Variants in TNS1 observed in about 807,000 individuals in gnomAD.
TNS1 encodes tensin-1.
In TNS1, 62 loss-of-function variants were observed where a neutral mutation model predicts 168.6. The observed-to-expected ratio is 0.37, with a 90% CI of 0.30 to 0.45. The LOEUF (loss-of-function observed/expected upper bound fraction) is 0.45, where lower values mean the gene tolerates loss of function less well. Among genes scored for constraint, TNS1 ranks in the 20% least tolerant of loss-of-function variants. TNS1 has a pLI of 1.00. For missense variants in TNS1, 2,240 were observed against 2,339.4 expected (o/e 0.96, Z 0.88); for synonymous variants, 934 against 933.2 (o/e 1.00, Z -0.02).
chr2:217,881,457 G>A (rs985147341), intron 17 of TNS1: 6 of 161,908 alleles, frequency 3.7e-5, no homozygotes, highest in East Asian at 3.6e-4. Flanking sequence ...TCACAGCCCC[G>A]ACATTGAAAG....
chr2:217,954,498 T>C (rs1216323179), intron 3 of TNS1, among the ~76,000 whole-genome samples: 1 of 152,176 alleles, frequency 6.6e-6, no homozygotes, highest in Non-Finnish European at 1.5e-5. Flanking sequence ...ACTAAGCAGG[T>C]ACTGTGATTA....
chr2:217,868,873 C>G (rs1039008876), intron 18 of TNS1, among the ~76,000 whole-genome samples: 2 of 152,228 alleles, frequency 1.3e-5, no homozygotes, highest in African/African-American at 4.8e-5. Flanking sequence ...CCAGCCTACT[C>G]TAAGACACTG....
chr2:217,842,235 C>T, intron 19 of TNS1: 1 of 617,246 alleles, frequency 1.6e-6, no homozygotes, highest in East Asian at 2.9e-5. Context: ...TCAACAATTC[C>T]CATATCTCTA....
At chr2:217,894,880 A>G in intron 9 of TNS1, 126 bp downstream of exon 9, 1 of 920,144 alleles carries the variant, frequency 1.1e-6, no homozygotes, top group East Asian at 2.7e-5. Flanking sequence ...TCCATTTTCC[A>G]GATATAAGTC....
At chr2:217,885,593 G>T in intron 15 of TNS1, 151 bp downstream of exon 15, 1 of 720,704 alleles carries the variant, frequency 1.4e-6, no homozygotes, top group Non-Finnish European at 2.3e-6. Flanking sequence ...TGTGAGACTG[G>T]AAGGTCTTCC....
At chr2:217,847,038 C>T (rs1946744691) in intron 19 of TNS1, among the ~76,000 whole-genome samples, 1 of 152,190 alleles carries the variant, frequency 6.6e-6, no homozygotes, top group African/African-American at 2.4e-5. Context: ...CACGTCTCCC[C>T]CAAGGAACTA....
intron 18 of TNS1, chr2:217,850,582 GAC>G (rs1207669519): frequency 0.15 from 130,250 of 846,208 alleles, 1,942 homozygotes; most frequent in Non-Finnish European, 0.16. Flanking sequence ...AGCCCCGACA[GAC>G]ACACACACAC....
At position 217,818,102 on chromosome 2, in the gene TNS1, C is replaced by T; in HGVS notation, c.4230G>A (p.Gly1410=). Residue 1410 remains glycine, a synonymous_variant, in exon 24 of 33, where the codon GGG becomes GGA. Coordinates refer to ENST00000682258, the MANE Select transcript of TNS1 (RefSeq NM_001387777.1). ...GGCTGCCGGGAACCACAGATCCAGA[C>T]CCTCCGAGGTGACGGCCCAGGCTGG... is the stretch of plus-strand genomic sequence containing the variant. The part of the protein sequence containing the change: ...GSPSLGRHLG[G]SGSVVPGSPC... 1 of 1,613,794 alleles carries T rather than the reference C, an allele frequency of 6.2e-7. No homozygotes were observed. The highest frequency in any genetic ancestry group is 8.5e-7 in the Non-Finnish European group (1 of 1,179,904).
intron 2 of TNS1, among the ~76,000 whole-genome samples, chr2:217,987,974 G>A (rs1324616056): frequency 2.6e-5 from 4 of 152,186 alleles, no homozygotes; most frequent in African/African-American, 9.6e-5. Flanking sequence ...TCTCCCACCA[G>A]TGAACCCAGT....
At chr2:217,896,596 A>G (rs918080963) in intron 8 of TNS1, among the ~76,000 whole-genome samples, 17 of 152,198 alleles carry the variant, frequency 1.1e-4, no homozygotes, top group African/African-American at 3.9e-4. Flanking sequence ...CAACACCTTG[A>G]TTTCAGATTT....
Position 217,948,573 on chromosome 2 carries a change from G to C in TNS1, c.187-28337C>G, listed in dbSNP as rs991390777. Among the ~76,000 whole-genome samples the C allele has an allele frequency of 1.3e-5, 2 of 152,094 alleles. No homozygotes were observed. Among genetic ancestry groups the C allele is most frequent in the East Asian group, 1.9e-4 (1 of 5,186 alleles). ...CCCCGCTACAGCTAGAGATGAGTTC[G>C]GGCTGTCTCCCAGGGTGCTTCCATC... On this transcript the variant is annotated intron_variant, in intron 3 of 32. Coordinates refer to ENST00000682258, the MANE Select transcript of TNS1 (RefSeq NM_001387777.1). This position sits in a 1 kb window ranked among gnomAD's most constrained non-coding sequence, Gnocchi z 4.1.
intron 18 of TNS1, among the ~76,000 whole-genome samples, chr2:217,863,378 A>G (rs1325335342): frequency 1.3e-5 from 2 of 152,140 alleles, no homozygotes; most frequent in Non-Finnish European, 2.9e-5. Flanking sequence ...AGGAAATACT[A>G]CTGGTGTCTA....
rs199649844 is a variant in TNS1 at position 217,817,933 on chromosome 2, G to C, written c.4399C>G (p.Leu1467Val). 124 of 1,612,790 alleles carry C rather than the reference G, an allele frequency of 7.7e-5. 3 individuals are homozygous for C. The East Asian group carries it at 2.8e-3, about 36-fold the overall frequency. ...GACGGGGAGGTGGCAGGGCTGCTCA[G>C]GCCAGGGTAGTAGGCAGGGGAGACA... ...FPVSPAYYPG[L>V]SSPATSPSPD... Residue 1467 changes from leucine to valine, a missense_variant, in exon 24 of 33, where the codon CTG becomes GTG. Physicochemically the swap from Leu to Val is conservative, Grantham distance 32. Around this residue, in one of 2 missense-constraint regions of TNS1, gnomAD observed 2,131 missense variants for 2,171.2 expected, o/e 0.98. Transcript: ENST00000682258.
chr2:217,822,670 G>A (rs1437126697), intron 22 of TNS1, among the ~76,000 whole-genome samples: 5 of 152,182 alleles, frequency 3.3e-5, no homozygotes, highest in Non-Finnish European at 7.3e-5. Context: ...ACTACCTGGT[G>A]TTCAAAACAG....
intron 18 of TNS1, among the ~76,000 whole-genome samples, chr2:217,852,937 T>A (rs371863507): frequency 5.3e-4 from 81 of 152,256 alleles, no homozygotes; most frequent in African/African-American, 1.9e-3. Context: ...AGGGAGGTTT[T>A]GAGAATACCC....
intron 18 of TNS1, among the ~76,000 whole-genome samples, chr2:217,860,015 G>A (rs1186707014): frequency 6.6e-6 from 1 of 152,216 alleles, no homozygotes; most frequent in Admixed American, 6.5e-5. Flanking sequence ...TCAGCGACTG[G>A]TGTCTCCATG....
At chr2:217,987,120 C>A (rs911793178) in intron 2 of TNS1, 1 of 152,304 alleles carries the variant, frequency 6.6e-6, no homozygotes, top group Non-Finnish European at 1.5e-5. Context: ...TTGTGAGAAG[C>A]AGGGCCAGAA....
At chr2:217,979,477 C>T (rs1957984526) in intron 2 of TNS1, among the ~76,000 whole-genome samples, 1 of 152,076 alleles carries the variant, frequency 6.6e-6, no homozygotes, top group African/African-American at 2.4e-5. Context: ...TGGACACAGA[C>T]ACGTGAACAG....
chr2:217,874,959 G>T (rs1559280722), intron 18 of TNS1, among the ~76,000 whole-genome samples: 1 of 152,180 alleles, frequency 6.6e-6, no homozygotes, highest in Non-Finnish European at 1.5e-5. Flanking sequence ...AGATTGGTCT[G>T]TTCAACCTTA....
Sources: allele counts gnomAD v4.1 joint callset (sites outside exome capture counted in the v4.1 genomes callset), GRCh38; gene constraint gnomAD v4.1.1; regional missense constraint gnomAD v4.1.1; non-coding constraint Gnocchi (gnomAD v3.1); transcripts MANE v1.5; gene names NCBI Gene and HGNC (gene_info 2026-07-23, HGNC 2026-07-21).